The following RBM38 variants were observed in gnomAD, a reference collection of about 807,000 sequenced individuals.
The protein encoded by RBM38 is RNA binding motif protein 38, also known as RNA-binding protein 38.
RBM38 carries 11 observed loss-of-function variants against 23.5 expected under a neutral mutation model. The ratio of observed to expected loss-of-function variants is 0.47; its 90% CI spans 0.29 to 0.77. The LOEUF is 0.77. Ranked by LOEUF, RBM38 falls within the 30% of genes least tolerant of loss-of-function variation. The pLI is 0.08. For synonymous variants in RBM38, 165 were observed against 166.1 expected, an observed-to-expected ratio of 0.99 and a Z score of 0.05; for missense variants, 330 against 351.9, an observed-to-expected ratio of 0.94 and a Z score of 0.50.
At chr20:57,400,889 G>C (rs569356167) in intron 3 of RBM38, among the ~76,000 whole-genome samples, 1 of 152,166 alleles carries the variant, frequency 6.6e-6, no homozygotes. Context: ...GGTTACAGCT[G>C]GGCTGTGGCT....
rs2067401951 is a variant in RBM38 at position 57,407,714 on chromosome 20, T to G, written c.588T>G (p.Pro196=). Residue 196 remains proline, a synonymous_variant, in exon 4 of 4, where the codon CCT becomes CCG. Coordinates refer to ENST00000356208, the MANE Select transcript of RBM38 (RefSeq NM_017495.6). This position sits in a 1 kb window ranked among gnomAD's most constrained non-coding sequence, Gnocchi z 4.0. ...ACCAGTACCCATACGCCGCCTCGCC[T>G]GCCACGGCTGCCAGCTTCGTGGGCT... ...TYDQYPYAAS[P]ATAASFVGYS... The G allele has an allele frequency of 6.2e-7, 1 of 1,611,726 alleles. No individual in the cohort carries two copies. The highest frequency in any genetic ancestry group is 1.3e-5 in the African/African-American group (1 of 74,936).
At chr20:57,406,993 CAAA>C (rs573363075) in intron 3 of RBM38, among the ~76,000 whole-genome samples, 6 of 76,108 alleles carry the variant, frequency 7.9e-5, no homozygotes, top group Non-Finnish European at 5.9e-5. Flanking sequence ...GACTCTGTCT[CAAA>C]AAAAAAAAAA....
intron 1 of RBM38, 96 bp downstream of exon 1, chr20:57,391,914 C>A (rs1485571963): frequency 2.3e-6 from 2 of 871,318 alleles, no homozygotes; most frequent in Non-Finnish European, 3.0e-6. Context: ...AGACGGCCCG[C>A]TGCCGCCCCC....
rs866326593 is a variant in RBM38 at position 57,407,089 on chromosome 20, G to T, written c.417-454G>T. Among the ~76,000 whole-genome samples the T allele has an allele frequency of 1.3e-5, 2 of 152,124 alleles. No homozygotes were observed. Among genetic ancestry groups the T allele is most frequent in the South Asian group, 4.1e-4 (2 of 4,826 alleles). ...AAGTGTGCAGTGTCACTTGGTGGGT[G>T]TTGAGTGTCAGGGAGATGAGCAGGG... On this transcript the variant is annotated intron_variant, in intron 3 of 3. Transcript: ENST00000356208. The surrounding 1 kb of genome is among the most constrained non-coding windows in gnomAD (Gnocchi z 4.0).
intron 3 of RBM38, among the ~76,000 whole-genome samples, chr20:57,395,747 G>C (rs982575841): frequency 6.6e-6 from 1 of 152,144 alleles, no homozygotes; most frequent in African/African-American, 2.4e-5. Context: ...CCCAGCCCCC[G>C]CCCGCTGACG....
chr20:57,398,689 C>T (rs1033776039), intron 3 of RBM38, among the ~76,000 whole-genome samples: 5 of 152,234 alleles, frequency 3.3e-5, no homozygotes, highest in African/African-American at 9.6e-5. Flanking sequence ...CTTTGGGTGG[C>T]GGGGGCTCTT....
intron 3 of RBM38, 23 bp downstream of exon 3, chr20:57,393,356 GGGT>G (rs1178159774): frequency 9.3e-6 from 15 of 1,612,594 alleles, no homozygotes; most frequent in Middle Eastern, 1.6e-4. Context: ...GGCTGGCTTG[GGGT>G]GGGTAGTCCG....
At chr20:57,403,294 G>C (rs1286336120) in intron 3 of RBM38, among the ~76,000 whole-genome samples, 2 of 152,202 alleles carry the variant, frequency 1.3e-5, no homozygotes, top group African/African-American at 4.8e-5. Context: ...AACCTGTTTG[G>C]TAACTCAGAC....
chr20:57,393,211 C>T lies in RBM38; in HGVS notation c.362-68C>T. ...TGTGTGGCTTGTGGGATTCTGCCACCCTGTGTGCAGCCCTTGAGACGTGGC... is the reference window on the plus strand; with the variant it reads ...TGTGTGGCTTGTGGGATTCTGCCACTCTGTGTGCAGCCCTTGAGACGTGGC... On this transcript the variant is annotated intron_variant, in intron 2 of 3. Coordinates refer to ENST00000356208, the MANE Select transcript of RBM38 (RefSeq NM_017495.6). 38 of 1,469,476 alleles carry T rather than the reference C, an allele frequency of 2.6e-5. No homozygotes were observed. In the South Asian group the frequency reaches 4.3e-4, roughly 17 times the overall value. 91.0% of individuals were successfully genotyped at this position (1,469,476 alleles called of 1,614,324 possible).
At chr20:57,400,318 G>C (rs2067314802) in intron 3 of RBM38, among the ~76,000 whole-genome samples, 1 of 152,106 alleles carries the variant, frequency 6.6e-6, no homozygotes, top group African/African-American at 2.4e-5. Flanking sequence ...ATGCTGCCTG[G>C]GCCACGTGTG....
In RBM38 at chr20:57,408,653, AAT is replaced by A. The variant is rs1246560540; in HGVS notation, c.*809_*810del. On this transcript the variant is annotated 3_prime_UTR_variant, in exon 4 of 4. Coordinates refer to ENST00000356208, the MANE Select transcript of RBM38 (RefSeq NM_017495.6). Reference sequence around the variant, plus strand: ...GGAGACGACGATAGTGTTTCTGTATAATAAAGTGTCTGCCGGCTCGCGGGCCA... The same window carrying A: ...GGAGACGACGATAGTGTTTCTGTATAAAAGTGTCTGCCGGCTCGCGGGCCA... 6.6e-6 allele frequency: 1 copy of A among 151,614 alleles called. No homozygotes were observed. Among genetic ancestry groups the A allele is most frequent in the Non-Finnish European group, 1.5e-5 (1 of 67,968 alleles). 9.4% of individuals were successfully genotyped at this position (151,614 alleles called of 1,614,324 possible).
At chr20:57,395,575 G>A (rs184283587) in intron 3 of RBM38, among the ~76,000 whole-genome samples, 12 of 152,350 alleles carry the variant, frequency 7.9e-5, no homozygotes, top group Admixed American at 7.8e-4. Context: ...CGGTGTCAGA[G>A]GGGCCATCCG....
intron 3 of RBM38, among the ~76,000 whole-genome samples, chr20:57,397,387 C>T (rs2067284871): frequency 6.6e-6 from 1 of 152,236 alleles, no homozygotes; most frequent in African/African-American, 2.4e-5. Context: ...TCAACGCCTC[C>T]CTCTGGCTAG....
In RBM38 at chr20:57,407,008, AAAC is replaced by A. The variant is rs1425309456; in HGVS notation, c.417-532_417-530del. On this transcript the variant is annotated intron_variant, in intron 3 of 3. Coordinates refer to ENST00000356208, the MANE Select transcript of RBM38 (RefSeq NM_017495.6). This position sits in a 1 kb window ranked among gnomAD's most constrained non-coding sequence, Gnocchi z 4.0. Reference sequence around the variant, plus strand: ...GACTCTGTCTCAAAAAAAAAAAAAAAAACAAACCCTGTGAGGAGCAGGTGTTGG... The same window carrying A: ...GACTCTGTCTCAAAAAAAAAAAAAAAAAACCCTGTGAGGAGCAGGTGTTGG... Among the ~76,000 whole-genome samples the A allele has an allele frequency of 2.0e-5, 3 of 150,534 alleles. No homozygotes were observed. The highest frequency in any genetic ancestry group is 1.9e-4 in the East Asian group (1 of 5,156).
chr20:57,403,344 C>G (rs1363381268), intron 3 of RBM38, among the ~76,000 whole-genome samples: 1 of 152,256 alleles, frequency 6.6e-6, no homozygotes, highest in Non-Finnish European at 1.5e-5. Flanking sequence ...GGGAGAGAAG[C>G]TGCTGGAACC....
At chr20:57,406,116 G>A (rs903641540) in intron 3 of RBM38, among the ~76,000 whole-genome samples, 5 of 152,324 alleles carry the variant, frequency 3.3e-5, no homozygotes, top group East Asian at 3.9e-4. Context: ...GCACAGTGCC[G>A]TGCCCTGGAA....
chr20:57,400,979 G>T (rs577024217), intron 3 of RBM38, among the ~76,000 whole-genome samples: 2 of 152,316 alleles, frequency 1.3e-5, no homozygotes, highest in South Asian at 2.1e-4. Flanking sequence ...AGAGGAGGGA[G>T]CAAGTGCCGT....
At chr20:57,393,774 C>T (rs58530582) in intron 3 of RBM38, among the ~76,000 whole-genome samples, 1 of 152,132 alleles carries the variant, frequency 6.6e-6, no homozygotes, top group African/African-American at 2.4e-5. Context: ...CAGGTGGTGG[C>T]AGTAGGTCAT....
At chr20:57,398,446 AG>A (rs1040902586) in intron 3 of RBM38, among the ~76,000 whole-genome samples, 1 of 152,170 alleles carries the variant, frequency 6.6e-6, no homozygotes, top group Non-Finnish European at 1.5e-5. Flanking sequence ...GCAGAAGCTG[AG>A]GTCAGAGCCA....
Sources: allele counts gnomAD v4.1 joint callset (sites outside exome capture counted in the v4.1 genomes callset), GRCh38; gene constraint gnomAD v4.1.1; non-coding constraint Gnocchi (gnomAD v3.1); transcripts MANE v1.5; gene names NCBI Gene and HGNC (gene_info 2026-07-23, HGNC 2026-07-21).